The following UNC13B variants were observed in gnomAD, a reference collection of about 807,000 sequenced individuals.
UNC13B encodes the protein unc-13 homolog B, also known as protein unc-13 homolog B.
UNC13B carries 144 observed loss-of-function variants against 211.0 expected under a neutral mutation model. The observed-to-expected ratio is 0.68, with a 90% confidence interval of 0.60 to 0.78. The LOEUF (loss-of-function observed/expected upper bound fraction) is 0.78. Among genes scored for constraint, UNC13B ranks in the 30% least tolerant of loss-of-function variants. The probability of loss-of-function intolerance (pLI) is 0.00; values close to 1 mark genes in which losing one functional copy is unlikely to be tolerated. For missense variants in UNC13B, 1,777 were observed against 2,002.0 expected, an observed-to-expected ratio of 0.89 and a Z score of 2.14; for synonymous variants, 709 against 725.8, an observed-to-expected ratio of 0.98 and a Z score of 0.37.
At chr9:35,389,703 A>G (rs1835406921) in intron 24 of UNC13B, 143 bp from the exon 25 acceptor site, 5 of 807,466 alleles carry the variant, frequency 6.2e-6, no homozygotes, top group Admixed American at 2.6e-5. Flanking sequence ...AGTCTTGTGG[A>G]AGACAGGCTC....
At position 35,306,132 on chromosome 9, in the gene UNC13B, C is replaced by T. The variant is rs1414546311; in HGVS notation, c.6728C>T (p.Ser2243Phe). 14 of 398,924 alleles carry T rather than the reference C, an allele frequency of 3.5e-5. No homozygotes were observed. Among genetic ancestry groups the T allele is most frequent in the Middle Eastern group, 1.2e-3 (2 of 1,610 alleles). The allele number at this position is 398,924 out of a possible 1,614,324, so 24.7% of individuals were successfully genotyped here. The change falls in exon 9 of 40, where the codon TCC becomes TTC. Residue 2243 changes from serine (S) to phenylalanine (F), a missense_variant. Transcript: ENST00000635942. ...ATTTCAACTGTTGTTCCAGTGACCT[C>T]CCAGCCCTGTAAGAAGACAAATGTT... ...QSISTVVPVT[S>F]QPCKKTNVFV...
At chr9:35,333,730 C>T (rs559048044) in intron 11 of UNC13B, among the ~76,000 whole-genome samples, 85 of 152,302 alleles carry the variant, frequency 5.6e-4, no homozygotes, top group Non-Finnish European at 1.1e-3. Context: ...AAATATTTCC[C>T]TCTCTCAAAT....
chr9:35,394,001 G>T (rs1008541304), intron 26 of UNC13B, among the ~76,000 whole-genome samples: 8 of 152,162 alleles, frequency 5.3e-5, no homozygotes, highest in Admixed American at 2.6e-4. Context: ...TTGGGAGGCA[G>T]AATGACCAGT....
intron 1 of UNC13B, among the ~76,000 whole-genome samples, chr9:35,220,173 T>C (rs1374036240): frequency 6.6e-6 from 1 of 151,986 alleles, no homozygotes; most frequent in Non-Finnish European, 1.5e-5. Context: ...GGGTATATAA[T>C]ACATGTATAT....
rs1268524939 is a variant in UNC13B, at chr9:35,398,279, A to T, written c.11823A>T (p.Gly3941=). Residue 3941 remains glycine (G), a synonymous_variant, in exon 31 of 40, where the codon GGA becomes GGT. Transcript: ENST00000635942. Reference sequence around the variant, plus strand: ...TGGAGAAAATGTTTGAGGCCATGGGAGGCAAGGAGGTAGGTCTTAGGGTTT... The same window carrying T: ...TGGAGAAAATGTTTGAGGCCATGGGTGGCAAGGAGGTAGGTCTTAGGGTTT... ...VQLEKMFEAM[G]GKELDLEAAD... is the part of the protein sequence containing the mutation. 1 of 1,613,860 alleles carries T rather than the reference A, an allele frequency of 6.2e-7. No individual in the cohort carries two copies. The highest frequency in any genetic ancestry group is 1.1e-5 in the South Asian group (1 of 91,002).
chr9:35,400,000 T>A (rs1836183929), intron 36 of UNC13B, among the ~76,000 whole-genome samples: 1 of 152,184 alleles, frequency 6.6e-6, no homozygotes, highest in Non-Finnish European at 1.5e-5. Flanking sequence ...AAGGTTCAGA[T>A]GGGTAAAAGA....
intron 25 of UNC13B, among the ~76,000 whole-genome samples, chr9:35,390,176 G>A (rs1033800846): frequency 6.6e-6 from 1 of 152,196 alleles, no homozygotes; most frequent in Non-Finnish European, 1.5e-5. Context: ...TGGCCAGATT[G>A]AGCCAGCTTC....
chr9:35,304,581 T>C lies in UNC13B; in HGVS notation c.5177T>C (p.Val1726Ala), dbSNP rs957669492. The change falls in exon 9 of 40, where the codon GTT becomes GCT. Residue 1726 changes from valine (V) to alanine (A), a missense_variant. Coordinates refer to ENST00000635942, the MANE Select transcript of UNC13B (RefSeq NM_001371189.2). ...FHWLQSSVEE[V>A]TTLVHPENMT... is the part of the protein sequence containing the mutation. ...TGGCTTCAGTCTTCTGTTGAAGAAGTTACCACTTTGGTTCATCCTGAAAAT... is the reference window on the plus strand; with the variant it reads ...TGGCTTCAGTCTTCTGTTGAAGAAGCTACCACTTTGGTTCATCCTGAAAAT... 1 of 398,636 alleles carries C rather than the reference T, an allele frequency of 2.5e-6. No homozygotes were observed. The highest frequency in any genetic ancestry group is 4.4e-5 in the Admixed American group (1 of 22,680). 24.7% of individuals were successfully genotyped at this position (398,636 alleles called of 1,614,324 possible).
intron 13 of UNC13B, 127 bp from the exon 14 acceptor site, chr9:35,375,000 G>C: frequency 1.0e-6 from 1 of 958,932 alleles, no homozygotes; most frequent in Non-Finnish European, 1.7e-6. Flanking sequence ...GTTGCTGTGA[G>C]TGACAATAAA....
intron 1 of UNC13B, among the ~76,000 whole-genome samples, chr9:35,224,611 G>T (rs1027402128): frequency 1.3e-5 from 2 of 152,106 alleles, no homozygotes; most frequent in African/African-American, 4.8e-5. Flanking sequence ...TTCCAGTGTG[G>T]TTGCCTTGGA....
At chr9:35,364,277 G>A (rs982132585) in intron 11 of UNC13B, among the ~76,000 whole-genome samples, 2 of 130,634 alleles carry the variant, frequency 1.5e-5, no homozygotes, top group Admixed American at 1.4e-4. Flanking sequence ...AAGGATGACT[G>A]GAACCCCTGG....
intron 1 of UNC13B, among the ~76,000 whole-genome samples, chr9:35,174,138 C>CTT (rs1195823107): frequency 1.3e-5 from 2 of 151,670 alleles, no homozygotes; most frequent in Non-Finnish European, 2.9e-5. Context: ...CTAGACCTCT[C>CTT]TCTCTCTCTC....
chr9:35,374,431 GGC>G (rs199939966), intron 13 of UNC13B, among the ~76,000 whole-genome samples: 13,129 of 104,776 alleles, frequency 0.13, 1,239 homozygotes, highest in South Asian at 0.2. Flanking sequence ...AGATACATGG[GGC>G]CCCTGTGCAA....
chr9:35,196,510 TCTC>T (rs1822950086), intron 1 of UNC13B, among the ~76,000 whole-genome samples: 1 of 152,190 alleles, frequency 6.6e-6, no homozygotes, highest in African/African-American at 2.4e-5. Context: ...TCTTATATAT[TCTC>T]CTATTTCTGC....
chr9:35,314,637 C>T (rs1830352677), intron 11 of UNC13B, among the ~76,000 whole-genome samples: 1 of 151,894 alleles, frequency 6.6e-6, no homozygotes, highest in Non-Finnish European at 1.5e-5. Context: ...TTGGGTGTAG[C>T]CATCATCTGA....
At chr9:35,257,632 A>T (rs1269474738) in intron 6 of UNC13B, among the ~76,000 whole-genome samples, 1 of 135,884 alleles carries the variant, frequency 7.4e-6, no homozygotes, top group African/African-American at 2.7e-5. Flanking sequence ...CATTTTTGTG[A>T]TTGGCAATTT....
At chr9:35,237,637 C>T (rs1825585503) in intron 4 of UNC13B, 66 bp from the exon 5 acceptor site, 3 of 1,581,618 alleles carry the variant, frequency 1.9e-6, no homozygotes, top group Non-Finnish European at 2.6e-6. Context: ...GAGAAAAAAA[C>T]CTGACTCTTG....
At chr9:35,355,853 A>G (rs1233686807) in intron 11 of UNC13B, among the ~76,000 whole-genome samples, 1 of 152,240 alleles carries the variant, frequency 6.6e-6, no homozygotes, top group African/African-American at 2.4e-5. Context: ...ATATCAAAGC[A>G]ATACTTCTTA....
At position 35,240,654 on chromosome 9, in the gene UNC13B, GT is replaced by G. The variant is rs1173631068; in HGVS notation, c.395-2630del. 2.0e-5 allele frequency among the ~76,000 whole-genome samples: 3 copies of G among 151,690 alleles called. No individual in the cohort carries two copies. The East Asian group carries it at 5.8e-4, about 29-fold the overall frequency. On this transcript the variant is annotated intron_variant, in intron 5 of 39. Transcript: ENST00000635942. ...CCATTTCCAGAGACTTTAAATCGTT[GT>G]TTTTTTAATGTTGTATTACTTTTTG...
Sources: gnomAD v4.1 joint callset for allele counts (sites outside exome capture counted in the v4.1 genomes callset) on GRCh38, gnomAD v4.1.1 for gene constraint, MANE v1.5 for transcripts, NCBI Gene and HGNC (gene_info 2026-07-23, HGNC 2026-07-21) for gene names.